XPR1: variants seen among roughly 807,000 people sequenced by gnomAD.
XPR1 encodes the protein solute carrier family 53 member 1.
XPR1 carries 28 observed loss-of-function variants against 87.5 expected under a neutral mutation model. That is an observed-to-expected ratio of 0.32 (90% CI 0.24 to 0.44). The LOEUF is 0.44. XPR1 is among the 20% of genes least tolerant of loss of function. The pLI is 1.00. For synonymous variants in XPR1, 300 were observed against 306.1 expected (o/e 0.98, Z 0.21); for missense variants, 559 against 862.3 (o/e 0.65, Z 4.41).
chr1:180,879,764 A>G (rs1475598524), intron 13 of XPR1, among the ~76,000 whole-genome samples: 1 of 152,184 alleles, frequency 6.6e-6, no homozygotes, highest in Non-Finnish European at 1.5e-5. Context: ...TAAGGGCAAA[A>G]AGGCTTTGAG....
intron 13 of XPR1, among the ~76,000 whole-genome samples, chr1:180,876,845 C>G (rs1652680445): frequency 6.6e-6 from 1 of 152,328 alleles, no homozygotes; most frequent in South Asian, 2.1e-4. Flanking sequence ...AGTGTGTCTG[C>G]TGTTCCCACT....
rs148612587 is a variant in XPR1 at position 180,819,887 on chromosome 1, G to T, written c.764-4866G>T. On this transcript the variant is annotated intron_variant, in intron 7 of 14. Transcript: ENST00000367590. ...ACAAAAAAATTCCCTGGGTGTGGTG[G>T]TGTGTGCCTGTAATCCCAGGTACTT... Among the ~76,000 whole-genome samples the T allele has an allele frequency of 0.022, 3,351 of 152,034 alleles. 421 individuals carry two copies. In the East Asian group the frequency reaches 0.37, roughly 17 times the overall value.
intron 2 of XPR1, among the ~76,000 whole-genome samples, chr1:180,737,498 A>G (rs867065999): frequency 1.3e-5 from 2 of 152,164 alleles, no homozygotes; most frequent in African/African-American, 4.8e-5. Flanking sequence ...GACTTCTTGT[A>G]CAGTTTTATG....
At chr1:180,788,983 G>A (rs541494618) in intron 3 of XPR1, among the ~76,000 whole-genome samples, 1 of 152,098 alleles carries the variant, frequency 6.6e-6, no homozygotes, top group Non-Finnish European at 1.5e-5. Context: ...TCCTTTTTCA[G>A]CAGCCCCTTC....
rs148097346 is a variant in XPR1, at chr1:180,770,291, G to A, written c.122-17462G>A. Among the ~76,000 whole-genome samples the A allele has an allele frequency of 3.0e-3, 450 of 152,284 alleles. 11 individuals carry two copies. The highest frequency in any genetic ancestry group is 0.024 in the Admixed American group (374 of 15,290). ...GCAGACAGTTATTTTTCATGGTTCT[G>A]GAGTCTGGAAGTGTAAGATCAGAGT... On this transcript the variant is annotated intron_variant, in intron 2 of 14. Coordinates refer to ENST00000367590, the MANE Select transcript of XPR1 (RefSeq NM_004736.4).
At chr1:180,726,652 G>A (rs902362846) in intron 2 of XPR1, among the ~76,000 whole-genome samples, 2 of 152,104 alleles carry the variant, frequency 1.3e-5, no homozygotes, top group African/African-American at 4.8e-5. Context: ...TGTATAAAGT[G>A]GAGTTTTCCA....
At chr1:180,681,471 C>T (rs1338507042) in intron 1 of XPR1, among the ~76,000 whole-genome samples, 3 of 152,118 alleles carry the variant, frequency 2.0e-5, no homozygotes, top group Non-Finnish European at 4.4e-5. Flanking sequence ...CGGTGAAACT[C>T]TGTCTCTACT....
At chr1:180,813,366 A>C (rs61811204) in intron 7 of XPR1, among the ~76,000 whole-genome samples, 1 of 152,150 alleles carries the variant, frequency 6.6e-6, no homozygotes, top group African/African-American at 2.4e-5. Context: ...CATTCTTAGT[A>C]AAGCGTTCCC....
At chr1:180,714,669 T>G (rs2101989134) in intron 2 of XPR1, among the ~76,000 whole-genome samples, 1 of 152,276 alleles carries the variant, frequency 6.6e-6, no homozygotes, top group Admixed American at 6.5e-5. Context: ...CCGTCCAAAG[T>G]GCTCAGATTA....
At chr1:180,807,544 GC>G (rs1473778567) in intron 6 of XPR1, among the ~76,000 whole-genome samples, 2 of 152,292 alleles carry the variant, frequency 1.3e-5, no homozygotes, top group African/African-American at 4.8e-5. Flanking sequence ...ACACTGCTGA[GC>G]AAAATTAAAG....
At chr1:180,764,491 T>TG (rs573331063) in intron 2 of XPR1, among the ~76,000 whole-genome samples, 110 of 152,092 alleles carry the variant, frequency 7.2e-4, no homozygotes, top group Middle Eastern at 3.4e-3. Flanking sequence ...TTTTTTGAGA[T>TG]GGGGGTCTCA....
chr1:180,874,218 A>C (rs1469325257), intron 13 of XPR1, among the ~76,000 whole-genome samples: 1 of 152,132 alleles, frequency 6.6e-6, no homozygotes, highest in African/African-American at 2.4e-5. Flanking sequence ...TTACAAAGTT[A>C]AAATAACCAT....
chr1:180,801,279 T>C (rs1353144122), intron 3 of XPR1, among the ~76,000 whole-genome samples: 1 of 152,178 alleles, frequency 6.6e-6, no homozygotes, highest in Non-Finnish European at 1.5e-5. Flanking sequence ...CTCACTAACG[T>C]AATTCTGGAT....
At chr1:180,781,712 A>G (rs1219593299) in intron 2 of XPR1, among the ~76,000 whole-genome samples, 1 of 151,604 alleles carries the variant, frequency 6.6e-6, no homozygotes, top group Non-Finnish European at 1.5e-5. Context: ...GTACATGTGT[A>G]CAACGTGCAG....
At chr1:180,727,799 C>T (rs2102005356) in intron 2 of XPR1, among the ~76,000 whole-genome samples, 1 of 152,290 alleles carries the variant, frequency 6.6e-6, no homozygotes, top group African/African-American at 2.4e-5. Flanking sequence ...ATTATTCATG[C>T]CTCCTCTTTT....
chr1:180,796,927 G>A (rs531112740), intron 3 of XPR1, among the ~76,000 whole-genome samples: 1 of 152,234 alleles, frequency 6.6e-6, no homozygotes, highest in East Asian at 1.9e-4. Flanking sequence ...ATTATATATT[G>A]TATGATTCTT....
chr1:180,647,844 T>C (rs1655167868), intron 1 of XPR1, among the ~76,000 whole-genome samples: 1 of 137,802 alleles, frequency 7.3e-6, no homozygotes, highest in African/African-American at 2.8e-5. Context: ...GAGGTTGCAG[T>C]GAGCCGAGAT....
At position 180,718,955 on chromosome 1, in the gene XPR1, C is replaced by G. The variant is rs574826242; in HGVS notation, c.121+36544C>G. ...GTGCTGGGATTACAGGCATGAGCCA[C>G]TGTACCCAGCCGGATCTGTATGTTT... On this transcript the variant is annotated intron_variant, in intron 2 of 14. Transcript: ENST00000367590. Among the ~76,000 whole-genome samples, 8 of 152,330 alleles carry G rather than the reference C, an allele frequency of 5.3e-5. No homozygotes were observed. The South Asian group carries it at 8.3e-4, about 16-fold the overall frequency.
At chr1:180,654,947 T>G (rs1197347935) in intron 1 of XPR1, among the ~76,000 whole-genome samples, 1 of 152,194 alleles carries the variant, frequency 6.6e-6, no homozygotes. Context: ...CTCAGAAGTA[T>G]AATTACTAGA....
Sources: allele counts gnomAD v4.1 joint callset (sites outside exome capture counted in the v4.1 genomes callset), GRCh38; gene constraint gnomAD v4.1.1; transcripts MANE v1.5; gene names NCBI Gene and HGNC (gene_info 2026-07-23, HGNC 2026-07-21).